PGRMC1: variants seen among roughly 807,000 people sequenced by gnomAD.
The protein encoded by PGRMC1 is progesterone receptor membrane component 1.
For synonymous variants in PGRMC1, 73 were observed against 77.3 expected (o/e 0.94, Z 0.29); for missense variants, 145 against 169.0 (o/e 0.86, Z 0.79).
chrX:119,242,733 G>GTC lies in PGRMC1; in HGVS notation c.485-415_485-414dup, dbSNP rs776749151. Among the ~76,000 whole-genome samples, 364 of 111,766 alleles carry GTC rather than the reference G, an allele frequency of 3.3e-3. 1 individual carries two copies. The highest frequency in any genetic ancestry group is 5.8e-3 in the Non-Finnish European group (308 of 53,155). ...CTCTTCATTGCTTCCCAGATACGTT[G>GTC]TCTCACCTGTATGCATTTGTACATG... On this transcript the variant is annotated intron_variant, in intron 2 of 2. Transcript: ENST00000217971.
intron 1 of PGRMC1, among the ~76,000 whole-genome samples, chrX:119,237,667 A>C (rs1340863145): frequency 9.0e-6 from 1 of 110,772 alleles, no homozygotes; most frequent in Non-Finnish European, 1.9e-5. Flanking sequence ...AAAGGAGTAG[A>C]GCTAAGAAGA....
At chrX:119,237,714 A>T (rs1348378043) in intron 1 of PGRMC1, among the ~76,000 whole-genome samples, 1 of 110,975 alleles carries the variant, frequency 9.0e-6, no homozygotes. Flanking sequence ...AGCCAACCAG[A>T]GGGAAATGAA....
intron 1 of PGRMC1, among the ~76,000 whole-genome samples, chrX:119,237,430 G>T (rs1028876764): frequency 9.1e-6 from 1 of 110,093 alleles, no homozygotes; most frequent in Non-Finnish European, 1.9e-5. Context: ...GCATGTGTTT[G>T]GTCTGTGTGC....
intron 1 of PGRMC1, among the ~76,000 whole-genome samples, chrX:119,239,824 A>G (rs190557229): frequency 8.9e-6 from 1 of 112,261 alleles, no homozygotes; most frequent in East Asian, 2.8e-4. Context: ...CCTTGGAACC[A>G]AAGATCTCTA....
rs1930886186 is a variant in PGRMC1, at chrX:119,244,047, T to C, written c.*793T>C. ...TTGGTTATTTTACTCAATTGGTTAC[T>C]CTCATTTGAAATGAGGGAGGGACAT... On this transcript the variant is annotated 3_prime_UTR_variant, in exon 3 of 3. Coordinates refer to ENST00000217971, the MANE Select transcript of PGRMC1 (RefSeq NM_006667.5). 1 of 112,197 alleles carries C rather than the reference T, an allele frequency of 8.9e-6. No individual in the cohort carries two copies. Among genetic ancestry groups the C allele is most frequent in the Non-Finnish European group, 1.9e-5 (1 of 53,258 alleles). The allele number at this position is 112,197 out of a possible 1,213,427, so 9.2% of individuals were successfully genotyped here.
chrX:119,242,504 C>T (rs1420627478), intron 2 of PGRMC1, among the ~76,000 whole-genome samples: 1 of 111,358 alleles, frequency 9.0e-6, no homozygotes, highest in Admixed American at 9.6e-5. Context: ...GAAATCTGCC[C>T]TATACACCAC....
At chrX:119,239,014 G>A (rs1930759506) in intron 1 of PGRMC1, among the ~76,000 whole-genome samples, 1 of 112,054 alleles carries the variant, frequency 8.9e-6, no homozygotes, top group Admixed American at 9.4e-5. Flanking sequence ...TTGTTTAAAT[G>A]TTTAAATATT....
Position 119,236,319 on chromosome X carries a change from T to G in PGRMC1, c.-45T>G. ...CTCAGAGGGAGGAGAAAGTGGCGAGTTCCGGATCCCTGCCTAGCGCGGCCC... is the reference window on the plus strand; with the variant it reads ...CTCAGAGGGAGGAGAAAGTGGCGAGGTCCGGATCCCTGCCTAGCGCGGCCC... On this transcript the variant is annotated 5_prime_UTR_variant, in exon 1 of 3. Coordinates refer to ENST00000217971, the MANE Select transcript of PGRMC1 (RefSeq NM_006667.5). 2 of 1,134,950 alleles carry G rather than the reference T, an allele frequency of 1.8e-6. No individual in the cohort carries two copies. The highest frequency in any genetic ancestry group is 2.4e-6 in the Non-Finnish European group (2 of 832,563). The allele number at this position is 1,134,950 out of a possible 1,213,427, so 93.5% of individuals were successfully genotyped here.
rs1281265283 is a variant in PGRMC1, at chrX:119,243,162, C to G, written c.496C>G (p.His166Asp). Residue 166 changes from histidine to aspartate, a missense_variant, in exon 3 of 3, where the codon CAC (histidine) becomes GAC (aspartate). Transcript: ENST00000217971. ...TTCTCTACCTCCAGTCAAGTATCAT[C>G]ACGTGGGCAAACTGCTGAAGGAGGG... The part of the protein sequence containing the change: ...WESQFTFKYH[H>D]VGKLLKEGEE... The G allele has an allele frequency of 7.6e-6, 9 of 1,189,648 alleles. No individual in the cohort carries two copies. Among genetic ancestry groups the G allele is most frequent in the Non-Finnish European group, 1.0e-5 (9 of 875,123 alleles).
intron 1 of PGRMC1, among the ~76,000 whole-genome samples, chrX:119,237,477 A>T (rs1300118781): frequency 1.8e-5 from 2 of 110,757 alleles, no homozygotes; most frequent in Non-Finnish European, 3.8e-5. Flanking sequence ...AAAGGCTGGA[A>T]GGTGAACAAG....
intron 1 of PGRMC1, among the ~76,000 whole-genome samples, chrX:119,239,027 A>G (rs1412618576): frequency 1.8e-5 from 2 of 112,146 alleles, no homozygotes; most frequent in Admixed American, 9.4e-5. Flanking sequence ...TAAATATTCT[A>G]TGAGGTTTAA....
rs1930787913 is a variant in PGRMC1 at position 119,240,245 on chromosome X, G to T, written c.329-64G>T. On this transcript the variant is annotated intron_variant, in intron 1 of 2. Coordinates refer to ENST00000217971, the MANE Select transcript of PGRMC1 (RefSeq NM_006667.5). ...TTGATGAATAGGGAAGCCATTTTCT[G>T]TGTATAAATCACAGAGAAATTGACT... is the stretch of plus-strand genomic sequence containing the variant. 5 of 1,089,602 alleles carry T rather than the reference G, an allele frequency of 4.6e-6. No homozygotes were observed. The Admixed American group carries it at 1.1e-4, about 24-fold the overall frequency. The allele number at this position is 1,089,602 out of a possible 1,213,427, so 89.8% of individuals were successfully genotyped here.
rs1386923086 is a variant in PGRMC1, at chrX:119,239,165, T to C, written c.329-1144T>C. Among the ~76,000 whole-genome samples the C allele has an allele frequency of 4.5e-5, 5 of 112,291 alleles. No homozygotes were observed. In the East Asian group the frequency reaches 1.1e-3, roughly 25 times the overall value. Reference sequence around the variant, plus strand: ...TTGCCTATTCTCAAGCACTAGGTGCTGCCATTTCCACTAGGGGTGTACATT... The same window carrying C: ...TTGCCTATTCTCAAGCACTAGGTGCCGCCATTTCCACTAGGGGTGTACATT... On this transcript the variant is annotated intron_variant, in intron 1 of 2. Coordinates refer to ENST00000217971, the MANE Select transcript of PGRMC1 (RefSeq NM_006667.5).
At chrX:119,238,580 C>T (rs1452227816) in intron 1 of PGRMC1, among the ~76,000 whole-genome samples, 1 of 112,426 alleles carries the variant, frequency 8.9e-6, no homozygotes, top group Non-Finnish European at 1.9e-5. Context: ...GGATGTCAGC[C>T]TGTGCACAGA....
chrX:119,242,332 C>T (rs1234030609), intron 2 of PGRMC1, among the ~76,000 whole-genome samples: 1 of 110,010 alleles, frequency 9.1e-6, no homozygotes, highest in Admixed American at 9.7e-5. Flanking sequence ...ATGGGAGCTC[C>T]AATTTTCACT....
Position 119,243,271 on chromosome X carries a change from A to G in PGRMC1, c.*17A>G, listed in dbSNP as rs1930862797. ...AATGATTAAAGCATTCAGTGGAAGT[A>G]TATCTATTTTTGTATTTTGCAAAAT... On this transcript the variant is annotated 3_prime_UTR_variant, in exon 3 of 3. Transcript: ENST00000217971. The G allele has an allele frequency of 7.7e-6, 8 of 1,045,047 alleles. No individual in the cohort carries two copies. The highest frequency in any genetic ancestry group is 1.1e-5 in the Non-Finnish European group (8 of 744,623). The allele number at this position is 1,045,047 out of a possible 1,213,427, so 86.1% of individuals were successfully genotyped here.
chrX:119,239,857 A>T (rs767269504), intron 1 of PGRMC1, among the ~76,000 whole-genome samples: 12 of 112,062 alleles, frequency 1.1e-4, no homozygotes, highest in Non-Finnish European at 2.3e-4. Context: ...GTTTCATTAA[A>T]ACATATCAGA....
rs1317521471 is a variant in PGRMC1, at chrX:119,240,276, A to AT, written c.329-32dup. ...AAATCACAGAGAAATTGACTGTCTAATAAAGAATTGATCTTTGGTTTTGTT... is the reference window on the plus strand; with the variant it reads ...AAATCACAGAGAAATTGACTGTCTAATTAAAGAATTGATCTTTGGTTTTGTT... On this transcript the variant is annotated intron_variant, in intron 1 of 2. Transcript: ENST00000217971. 3 of 1,198,461 alleles carry AT rather than the reference A, an allele frequency of 2.5e-6. No homozygotes were observed. In the South Asian group the frequency reaches 5.3e-5, roughly 21 times the overall value.
chrX:119,237,415 G>A (rs991989559), intron 1 of PGRMC1, among the ~76,000 whole-genome samples: 7 of 110,204 alleles, frequency 6.4e-5, no homozygotes, highest in African/African-American at 2.3e-4. Context: ...TCAGGTATGT[G>A]TGTGGCATGT....
Sources: gnomAD v4.1 joint callset for allele counts (sites outside exome capture counted in the v4.1 genomes callset) on GRCh38, gnomAD v4.1.1 for gene constraint, MANE v1.5 for transcripts, NCBI Gene and HGNC (gene_info 2026-07-23, HGNC 2026-07-21) for gene names.